RNGTT: variants seen among roughly 807,000 people sequenced by gnomAD.
The protein encoded by RNGTT is mRNA-capping enzyme.
In RNGTT, 33 loss-of-function variants were observed where a neutral mutation model predicts 79.3. The ratio of observed to expected loss-of-function variants is 0.42; its 90% CI spans 0.32 to 0.56. RNGTT has a LOEUF of 0.56. Ranked by LOEUF, RNGTT falls within the 20% of genes least tolerant of loss-of-function variation. RNGTT has a pLI of 0.17. For missense variants in RNGTT, 497 were observed against 739.1 expected (o/e 0.67, Z 3.80); for synonymous variants, 222 against 235.9 (o/e 0.94, Z 0.54).
intron 1 of RNGTT, among the ~76,000 whole-genome samples, chr6:88,955,117 C>T (rs1269985454): frequency 3.9e-5 from 6 of 151,926 alleles, no homozygotes; most frequent in Admixed American, 3.3e-4. Context: ...AAAATTTCTG[C>T]TCTTGAATAA....
intron 12 of RNGTT, among the ~76,000 whole-genome samples, chr6:88,776,803 T>G (rs1402359609): frequency 6.6e-6 from 1 of 152,198 alleles, no homozygotes; most frequent in Non-Finnish European, 1.5e-5. Context: ...TCTCCCAATC[T>G]GCCTTTTCAT....
At chr6:88,642,231 A>T (rs1436369355) in intron 14 of RNGTT, among the ~76,000 whole-genome samples, 1 of 152,166 alleles carries the variant, frequency 6.6e-6, no homozygotes, top group Non-Finnish European at 1.5e-5. Flanking sequence ...AAATATACTA[A>T]TCATGGACCA....
chr6:88,675,575 T>C (rs919258815), intron 14 of RNGTT, among the ~76,000 whole-genome samples: 1 of 151,888 alleles, frequency 6.6e-6, no homozygotes, highest in African/African-American at 2.4e-5. Flanking sequence ...GGCATCAAGA[T>C]CAGAAAGGAG....
intron 12 of RNGTT, among the ~76,000 whole-genome samples, chr6:88,795,809 T>G (rs1475642618): frequency 1.3e-5 from 2 of 152,136 alleles, no homozygotes; most frequent in Non-Finnish European, 2.9e-5. Flanking sequence ...AATACTGCAA[T>G]GCACTATGAT....
intron 11 of RNGTT, among the ~76,000 whole-genome samples, chr6:88,803,756 A>G (rs1443825422): frequency 6.6e-6 from 1 of 151,994 alleles, no homozygotes; most frequent in Non-Finnish European, 1.5e-5. Flanking sequence ...GCAAGTTAAC[A>G]TGGTAGTTTC....
intron 1 of RNGTT, among the ~76,000 whole-genome samples, chr6:88,944,063 C>T (rs902845644): frequency 2.0e-5 from 3 of 152,136 alleles, no homozygotes; most frequent in Non-Finnish European, 4.4e-5. Context: ...ACATCTTTTC[C>T]TCATTCCTAA....
At chr6:88,699,439 T>C (rs1214048254) in intron 13 of RNGTT, among the ~76,000 whole-genome samples, 2 of 152,158 alleles carry the variant, frequency 1.3e-5, no homozygotes, top group Admixed American at 1.3e-4. Context: ...AATCCTAACA[T>C]TTTTGGAGGC....
At chr6:88,949,368 G>A (rs536850235) in intron 1 of RNGTT, among the ~76,000 whole-genome samples, 19 of 147,608 alleles carry the variant, frequency 1.3e-4, no homozygotes, top group Admixed American at 1.0e-3. Flanking sequence ...AGGTTCAAAC[G>A]ATTCTCCTGC....
chr6:88,952,707 G>T (rs1431829324), intron 1 of RNGTT, among the ~76,000 whole-genome samples: 2 of 152,212 alleles, frequency 1.3e-5, no homozygotes, highest in Admixed American at 1.3e-4. Context: ...CTCTCACAGA[G>T]TCTACTTACT....
At chr6:88,878,538 C>T (rs2127925817) in intron 8 of RNGTT, among the ~76,000 whole-genome samples, 1 of 152,104 alleles carries the variant, frequency 6.6e-6, no homozygotes, top group East Asian at 1.9e-4. Context: ...CTAAGTTTCC[C>T]CAGAACAATT....
chr6:88,706,396 G>A (rs1776131346), intron 13 of RNGTT, among the ~76,000 whole-genome samples: 1 of 151,418 alleles, frequency 6.6e-6, no homozygotes, highest in African/African-American at 2.4e-5. Flanking sequence ...ATGACTAGTG[G>A]GAAGAAAAAA....
chr6:88,689,596 A>AAAT (rs1240374329), intron 13 of RNGTT, among the ~76,000 whole-genome samples: 1 of 148,210 alleles, frequency 6.7e-6, no homozygotes, highest in Non-Finnish European at 1.5e-5. Context: ...CTCTGTCTCA[A>AAAT]AAAAAAAAAA....
intron 1 of RNGTT, among the ~76,000 whole-genome samples, chr6:88,961,439 A>C (rs1471786185): frequency 1.3e-5 from 2 of 150,120 alleles, no homozygotes; most frequent in African/African-American, 2.5e-5. Flanking sequence ...AGTACAAATT[A>C]CTTTTTTTTT....
chr6:88,849,087 C>A (rs1431779316), intron 10 of RNGTT, among the ~76,000 whole-genome samples: 1 of 151,868 alleles, frequency 6.6e-6, no homozygotes, highest in Non-Finnish European at 1.5e-5. Flanking sequence ...AAAGCCACCC[C>A]GCCACCCCTT....
intron 14 of RNGTT, among the ~76,000 whole-genome samples, chr6:88,634,331 A>G (rs1471249695): frequency 6.6e-6 from 1 of 152,168 alleles, no homozygotes; most frequent in Non-Finnish European, 1.5e-5. Context: ...AAATGAGCCT[A>G]AATTTCCTTC....
chr6:88,738,779 A>G lies in RNGTT; in HGVS notation c.1439+30995T>C, dbSNP rs1309111426. 2.0e-5 allele frequency among the ~76,000 whole-genome samples: 3 copies of G among 152,044 alleles called. No homozygotes were observed. In the East Asian group the frequency reaches 5.8e-4, roughly 29 times the overall value. ...TATGGGAACTTTCTGTTCTATTAAT[A>G]TCTACTCAATTTTTCTGTAAATTTA... On this transcript the variant is annotated intron_variant, in intron 13 of 15. Transcript: ENST00000369485.
At chr6:88,783,889 A>C (rs1779145184) in intron 12 of RNGTT, among the ~76,000 whole-genome samples, 2 of 152,182 alleles carry the variant, frequency 1.3e-5, no homozygotes, top group Admixed American at 1.3e-4. Flanking sequence ...ACTGATCTAA[A>C]GTATGCATTC....
intron 12 of RNGTT, among the ~76,000 whole-genome samples, chr6:88,775,150 A>T (rs1228043171): frequency 6.6e-6 from 1 of 152,186 alleles, no homozygotes; most frequent in Admixed American, 6.5e-5. Context: ...TTATAACACA[A>T]TGTTTGATAT....
At chr6:88,637,766 G>A (rs1773152816) in intron 14 of RNGTT, among the ~76,000 whole-genome samples, 2 of 152,106 alleles carry the variant, frequency 1.3e-5, no homozygotes, top group South Asian at 4.1e-4. Context: ...GCAATGGTTT[G>A]TAACTGCTTT....
Sources: allele counts gnomAD v4.1 joint callset (sites outside exome capture counted in the v4.1 genomes callset), GRCh38; gene constraint gnomAD v4.1.1; transcripts MANE v1.5; gene names NCBI Gene and HGNC (gene_info 2026-07-23, HGNC 2026-07-21).